Variants in HECW2 observed in about 807,000 individuals in gnomAD.
The protein encoded by HECW2 is HECT, C2 and WW domain containing E3 ubiquitin protein ligase 2, also known as E3 ubiquitin-protein ligase HECW2.
In HECW2, 61 loss-of-function variants were observed where a neutral mutation model predicts 175.2. That is an observed-to-expected ratio of 0.35 (90% CI 0.28 to 0.43). HECW2 has a LOEUF of 0.43. Among genes scored for constraint, HECW2 ranks in the 20% least tolerant of loss-of-function variants. The pLI, the probability that HECW2 is intolerant of heterozygous loss-of-function variation, is 1.00. For synonymous variants in HECW2, 671 were observed against 731.0 expected (o/e 0.92, Z 1.32); for missense variants, 1,524 against 2,000.5 (o/e 0.76, Z 4.54).
chr2:196,271,956 A>G (rs1345561325), intron 16 of HECW2, among the ~76,000 whole-genome samples: 1 of 152,186 alleles, frequency 6.6e-6, no homozygotes, highest in Non-Finnish European at 1.5e-5. Context: ...TTGACAAGCC[A>G]TATTTATTAT....
rs146767417 is a variant in HECW2 at position 196,366,178 on chromosome 2, C to T, written c.293-22414G>A. ...TGATCAAGGGAGCACCACAGCAAGG[C>T]TGAAATGTGCAGAGGGAGATTTCCC... On this transcript the variant is annotated intron_variant, in intron 2 of 28. Transcript: ENST00000644978. Among the ~76,000 whole-genome samples, 721 of 152,296 alleles carry T rather than the reference C, an allele frequency of 4.7e-3. 7 individuals are homozygous for T. The highest frequency in any genetic ancestry group is 0.02 in the Middle Eastern group (6 of 294).
At chr2:196,242,286 C>T in intron 19 of HECW2, 82 bp from the exon 20 acceptor site, 1 of 1,549,130 alleles carries the variant, frequency 6.5e-7, no homozygotes, top group African/African-American at 1.4e-5. Flanking sequence ...CAAAAGCTAT[C>T]ACAATCAACA....
chr2:196,203,877 C>T (rs1011016974), intron 28 of HECW2, among the ~76,000 whole-genome samples: 2 of 152,160 alleles, frequency 1.3e-5, no homozygotes, highest in Non-Finnish European at 2.9e-5. Flanking sequence ...CATTTCCTCT[C>T]CCCCTAGCCC....
intron 5 of HECW2, among the ~76,000 whole-genome samples, chr2:196,329,155 G>C (rs10203674): frequency 0.029 from 4,342 of 152,058 alleles, 226 homozygotes; most frequent in African/African-American, 0.098. Flanking sequence ...AAAATAATTG[G>C]CTTATCCACT....
intron 2 of HECW2, among the ~76,000 whole-genome samples, chr2:196,376,415 C>T (rs1273798653): frequency 1.3e-5 from 2 of 150,520 alleles, no homozygotes; most frequent in Admixed American, 6.6e-5. Flanking sequence ...TGAATCACAA[C>T]GTCAGGAGTT....
At chr2:196,363,357 C>T (rs1438180823) in intron 2 of HECW2, among the ~76,000 whole-genome samples, 1 of 151,748 alleles carries the variant, frequency 6.6e-6, no homozygotes, top group African/African-American at 2.4e-5. Context: ...AAAACTAAGG[C>T]TCACCGAGAA....
At chr2:196,427,063 A>C (rs764386272) in intron 2 of HECW2, among the ~76,000 whole-genome samples, 3 of 152,138 alleles carry the variant, frequency 2.0e-5, no homozygotes, top group Non-Finnish European at 4.4e-5. Context: ...AAATGCTGGT[A>C]AATTATTTGT....
At position 196,584,588 on chromosome 2, in the gene HECW2, T is replaced by TA. The variant is rs34608013; in HGVS notation, c.-36+8919dup. On this transcript the variant is annotated intron_variant, in intron 1 of 28. Transcript: ENST00000644978. ...TGGATGTGTAAAACTCCCTATAAAT[T>TA]AAAAAAAAAAAAACCTAAATCACTG... 1.9e-3 allele frequency among the ~76,000 whole-genome samples: 284 copies of TA among 148,712 alleles called. 1 individual carries two copies. Among genetic ancestry groups the TA allele is most frequent in the Middle Eastern group, 0.01 (3 of 286 alleles).
chr2:196,405,672 C>A (rs1359246588), intron 2 of HECW2, among the ~76,000 whole-genome samples: 1 of 152,178 alleles, frequency 6.6e-6, no homozygotes, highest in Non-Finnish European at 1.5e-5. Context: ...ACAATGTCTA[C>A]TAGATCATAT....
chr2:196,509,148 A>G (rs530712030), intron 1 of HECW2, among the ~76,000 whole-genome samples: 2 of 152,338 alleles, frequency 1.3e-5, no homozygotes, highest in East Asian at 1.9e-4. Flanking sequence ...GTTTACTACA[A>G]AAGATATTTT....
intron 14 of HECW2, among the ~76,000 whole-genome samples, chr2:196,282,279 T>C (rs1023657695): frequency 1.3e-5 from 2 of 152,174 alleles, no homozygotes; most frequent in Non-Finnish European, 1.5e-5. Context: ...TCCTACCCTC[T>C]GAAACACAAA....
intron 1 of HECW2, among the ~76,000 whole-genome samples, chr2:196,488,907 A>AAAC (rs1422097806): frequency 5.9e-5 from 9 of 152,354 alleles, no homozygotes; most frequent in South Asian, 2.1e-4. Context: ...AGCACTCTAT[A>AAAC]AACATTAACT....
intron 2 of HECW2, among the ~76,000 whole-genome samples, chr2:196,375,503 C>G (rs1048637410): frequency 1.3e-5 from 2 of 152,100 alleles, no homozygotes; most frequent in African/African-American, 4.8e-5. Context: ...TAGTTTTTGC[C>G]AGTTTGGGAA....
chr2:196,247,161 GA>G, intron 19 of HECW2, among the ~76,000 whole-genome samples: 1 of 152,198 alleles, frequency 6.6e-6, no homozygotes, highest in Middle Eastern at 3.4e-3. Context: ...TGAGGCAGGA[GA>G]ATCACTTGAA....
At chr2:196,306,834 A>G (rs1691284189) in intron 12 of HECW2, among the ~76,000 whole-genome samples, 1 of 152,244 alleles carries the variant, frequency 6.6e-6, no homozygotes, top group Non-Finnish European at 1.5e-5. Context: ...AGTTACTATG[A>G]ACATTTTAAT....
intron 14 of HECW2, chr2:196,289,699 C>A (rs971372036): frequency 6.6e-6 from 1 of 152,176 alleles, no homozygotes; most frequent in African/African-American, 2.4e-5. Flanking sequence ...ATAGCAAGAT[C>A]CTGTCTCTTA....
At chr2:196,425,009 C>T (rs1695503768) in intron 2 of HECW2, among the ~76,000 whole-genome samples, 2 of 151,940 alleles carry the variant, frequency 1.3e-5, no homozygotes, top group Non-Finnish European at 2.9e-5. Context: ...TTGTTAGGGG[C>T]TCATACAGCT....
chr2:196,462,807 T>C (rs13397077), intron 1 of HECW2, among the ~76,000 whole-genome samples: 3,711 of 152,044 alleles, frequency 0.024, 164 homozygotes, highest in African/African-American at 0.084. Flanking sequence ...CAACAAAGAC[T>C]AGAAAATAAA....
chr2:196,326,017 A>G (rs1204873891), intron 5 of HECW2, among the ~76,000 whole-genome samples: 4 of 152,232 alleles, frequency 2.6e-5, no homozygotes, highest in Admixed American at 6.5e-5. Context: ...TGAATAAGAT[A>G]GGCCTGGGAG....
Sources: gnomAD v4.1 joint callset for allele counts (sites outside exome capture counted in the v4.1 genomes callset) on GRCh38, gnomAD v4.1.1 for gene constraint, MANE v1.5 for transcripts, NCBI Gene and HGNC (gene_info 2026-07-23, HGNC 2026-07-21) for gene names.